The following AGBL4 variants were observed in gnomAD, a reference collection of about 807,000 sequenced individuals.
The protein encoded by AGBL4 is AGBL carboxypeptidase 4.
AGBL4 carries 58 observed loss-of-function variants against 66.4 expected under a neutral mutation model. The ratio of observed to expected loss-of-function variants is 0.87; its 90% CI spans 0.71 to 1.09. AGBL4 has a LOEUF of 1.09. Ranked by LOEUF, AGBL4 falls within the 50% of genes least tolerant of loss-of-function variation. The probability of loss-of-function intolerance (pLI) is 0.00; values close to 1 mark genes in which losing one functional copy is unlikely to be tolerated. For synonymous variants in AGBL4, 234 were observed against 222.9 expected, an observed-to-expected ratio of 1.05 and a Z score of -0.44; for missense variants, 579 against 631.0, an observed-to-expected ratio of 0.92 and a Z score of 0.88.
intron 6 of AGBL4, among the ~76,000 whole-genome samples, chr1:48,829,692 T>C (rs1431803996): frequency 6.6e-6 from 1 of 151,700 alleles, no homozygotes; most frequent in Admixed American, 6.6e-5. Flanking sequence ...TTCCAGGAGT[T>C]AAACCACTTT....
intron 1 of AGBL4, among the ~76,000 whole-genome samples, chr1:50,013,886 T>C (rs947706373): frequency 2.6e-5 from 4 of 152,220 alleles, no homozygotes; most frequent in African/African-American, 7.2e-5. Flanking sequence ...TCCTATACTA[T>C]ATGCACTACA....
intron 1 of AGBL4, among the ~76,000 whole-genome samples, chr1:49,976,134 G>C (rs1374367271): frequency 2.0e-5 from 3 of 152,096 alleles, no homozygotes; most frequent in Non-Finnish European, 4.4e-5. Flanking sequence ...GCTTCACTTT[G>C]GAAGGGCTTC....
intron 3 of AGBL4, among the ~76,000 whole-genome samples, chr1:49,627,508 T>C (rs1645487012): frequency 2.0e-5 from 3 of 152,134 alleles, no homozygotes; most frequent in African/African-American, 2.4e-5. Context: ...TGAATTGTCC[T>C]GGCCATTGGT....
chr1:48,803,612 G>A (rs1229095707), intron 6 of AGBL4, among the ~76,000 whole-genome samples: 3 of 152,198 alleles, frequency 2.0e-5, no homozygotes, highest in Non-Finnish European at 4.4e-5. Flanking sequence ...TTCTGGGGAA[G>A]GTACAGATCT....
At chr1:49,160,744 C>G (rs982598802) in intron 4 of AGBL4, among the ~76,000 whole-genome samples, 3 of 152,154 alleles carry the variant, frequency 2.0e-5, no homozygotes, top group African/African-American at 7.2e-5. Flanking sequence ...CAGAGATGTC[C>G]TGCCCAGAGA....
At chr1:48,952,932 C>G (rs1657124934) in intron 5 of AGBL4, among the ~76,000 whole-genome samples, 1 of 152,052 alleles carries the variant, frequency 6.6e-6, no homozygotes, top group Non-Finnish European at 1.5e-5. Context: ...AACAATTCTT[C>G]TCCTTCCAAT....
chr1:48,529,061 A>G (rs1643893287), downstream of AGBL4, among the ~76,000 whole-genome samples: 1 of 151,738 alleles, frequency 6.6e-6, no homozygotes, highest in Non-Finnish European at 1.5e-5. Flanking sequence ...CTCTCACCAT[A>G]CCCACTATTT....
chr1:49,460,863 T>C (rs986619055), intron 3 of AGBL4, among the ~76,000 whole-genome samples: 1 of 151,752 alleles, frequency 6.6e-6, no homozygotes, highest in Non-Finnish European at 1.5e-5. Flanking sequence ...TGAAGCTTAG[T>C]TTCACTGCAT....
chr1:50,009,221 G>A (rs1274247032), intron 1 of AGBL4, among the ~76,000 whole-genome samples: 2 of 151,942 alleles, frequency 1.3e-5, no homozygotes, highest in Non-Finnish European at 2.9e-5. Context: ...AAACACTACA[G>A]GCCAATATCC....
intron 4 of AGBL4, among the ~76,000 whole-genome samples, chr1:49,209,207 C>A (rs979917632): frequency 1.3e-5 from 2 of 152,100 alleles, no homozygotes; most frequent in African/African-American, 4.8e-5. Flanking sequence ...TATATCATCT[C>A]ATTTCACATA....
intron 6 of AGBL4, among the ~76,000 whole-genome samples, chr1:48,766,184 C>A (rs1644519680): frequency 6.6e-6 from 1 of 152,166 alleles, no homozygotes; most frequent in South Asian, 2.1e-4. Flanking sequence ...TACCTCACAA[C>A]AACCTTGCAA....
intron 4 of AGBL4, among the ~76,000 whole-genome samples, chr1:49,173,494 T>C (rs1471056865): frequency 6.6e-6 from 1 of 152,216 alleles, no homozygotes; most frequent in East Asian, 1.9e-4. Context: ...TGTATATTTA[T>C]TGTATTAGTC....
chr1:49,262,592 A>T (rs1277433471), intron 3 of AGBL4, among the ~76,000 whole-genome samples: 4 of 152,094 alleles, frequency 2.6e-5, no homozygotes, highest in African/African-American at 9.7e-5. Flanking sequence ...AATGCAAATC[A>T]AAACCACAAT....
At chr1:48,791,326 G>C (rs555527441) in intron 6 of AGBL4, among the ~76,000 whole-genome samples, 9 of 152,186 alleles carry the variant, frequency 5.9e-5, no homozygotes, top group African/African-American at 9.7e-5. Flanking sequence ...AGCTGAGGAG[G>C]GGGGTGGGAG....
chr1:49,740,432 C>T (rs937883906), intron 2 of AGBL4, among the ~76,000 whole-genome samples: 10 of 152,148 alleles, frequency 6.6e-5, no homozygotes, highest in African/African-American at 2.4e-4. Context: ...GAGACGTAGA[C>T]TCCCACACAA....
chr1:49,007,518 T>A (rs1436205745), intron 5 of AGBL4, among the ~76,000 whole-genome samples: 1 of 148,092 alleles, frequency 6.8e-6, no homozygotes, highest in Non-Finnish European at 1.5e-5. Flanking sequence ...ATTCAGGAAA[T>A]ACAGAGAACG....
At chr1:49,693,789 T>C (rs1039009499) in intron 3 of AGBL4, among the ~76,000 whole-genome samples, 2 of 152,142 alleles carry the variant, frequency 1.3e-5, no homozygotes, top group African/African-American at 4.8e-5. Flanking sequence ...TTGGCTGAAC[T>C]TTTAGCATAT....
rs193007498 is a variant in AGBL4, at chr1:49,593,000, A to G, written c.282+104313T>C. ...GCTTATCCTAATTAAAAATCTACCTATCCTTTAAGCCAGCAATTCTTTTTC... is the reference window on the plus strand; with the variant it reads ...GCTTATCCTAATTAAAAATCTACCTGTCCTTTAAGCCAGCAATTCTTTTTC... On this transcript the variant is annotated intron_variant, in intron 3 of 13. Coordinates refer to ENST00000371839, the MANE Select transcript of AGBL4 (RefSeq NM_032785.4). Among the ~76,000 whole-genome samples, 30 of 152,278 alleles carry G rather than the reference A, an allele frequency of 2.0e-4. No homozygotes were observed. In the East Asian group the frequency reaches 5.0e-3, roughly 25 times the overall value.
At chr1:50,002,753 T>G (rs1660860477) in intron 1 of AGBL4, among the ~76,000 whole-genome samples, 1 of 152,170 alleles carries the variant, frequency 6.6e-6, no homozygotes, top group Non-Finnish European at 1.5e-5. Context: ...CAGAAAAGAC[T>G]ACCAGAGGCC....
Sources: allele counts gnomAD v4.1 joint callset (sites outside exome capture counted in the v4.1 genomes callset), GRCh38; gene constraint gnomAD v4.1.1; transcripts MANE v1.5; gene names NCBI Gene and HGNC (gene_info 2026-07-23, HGNC 2026-07-21).